The following LRP1B variants were observed in gnomAD, a reference collection of about 807,000 sequenced individuals.
LRP1B encodes the protein LDL receptor related protein 1B.
Under a neutral mutation model 556.6 loss-of-function variants are expected in LRP1B, and 217 were observed. The ratio of observed to expected loss-of-function variants is 0.39; its 90% CI spans 0.35 to 0.44. The LOEUF is 0.44. Ranked by LOEUF, LRP1B falls within the 20% of genes least tolerant of loss-of-function variation. LRP1B has a pLI of 1.00. For missense variants in LRP1B, 5,053 were observed against 5,620.8 expected, an observed-to-expected ratio of 0.90 and a Z score of 3.23; for synonymous variants, 2,047 against 1,865.8, an observed-to-expected ratio of 1.10 and a Z score of -2.50.
At chr2:140,239,185 CT>C (rs1404069221) in intron 88 of LRP1B, among the ~76,000 whole-genome samples, 1 of 150,778 alleles carries the variant, frequency 6.6e-6, no homozygotes, top group Non-Finnish European at 1.5e-5. Context: ...TAAAATCCTA[CT>C]TAACTTTTGA....
chr2:140,682,088 T>C (rs1334016622), intron 41 of LRP1B, among the ~76,000 whole-genome samples: 1 of 152,236 alleles, frequency 6.6e-6, no homozygotes, highest in Non-Finnish European at 1.5e-5. Flanking sequence ...AAAATATTAA[T>C]AACCTTAAAA....
At chr2:141,671,321 T>C (rs970392484) in intron 2 of LRP1B, among the ~76,000 whole-genome samples, 7 of 152,102 alleles carry the variant, frequency 4.6e-5, no homozygotes, top group Non-Finnish European at 8.8e-5. Context: ...AGATGGGAGT[T>C]CATGTGCGAA....
intron 7 of LRP1B, among the ~76,000 whole-genome samples, chr2:141,153,343 T>TATTAGCTATATATATTTATATAATAA (rs1558896448): frequency 1.3e-5 from 1 of 77,084 alleles, no homozygotes; most frequent in East Asian, 9.8e-4. Flanking sequence ...TAATAATATA[T>TATTAGCTATATATATTTATATAATAA]TATATATTAG....
At chr2:141,315,833 C>G (rs1411759195) in intron 3 of LRP1B, among the ~76,000 whole-genome samples, 1 of 132,404 alleles carries the variant, frequency 7.6e-6, no homozygotes, top group Non-Finnish European at 1.6e-5. Flanking sequence ...CTGCAAAACT[C>G]AGAAAATACC....
intron 1 of LRP1B, among the ~76,000 whole-genome samples, chr2:141,822,590 C>T (rs1239341867): frequency 1.3e-5 from 2 of 152,130 alleles, no homozygotes; most frequent in Non-Finnish European, 2.9e-5. Flanking sequence ...GACTTTGGCT[C>T]TTTCAGGGAT....
chr2:141,792,121 A>G (rs1214683001), intron 2 of LRP1B, among the ~76,000 whole-genome samples: 2 of 151,896 alleles, frequency 1.3e-5, no homozygotes, highest in African/African-American at 2.4e-5. Flanking sequence ...CATTTTCATC[A>G]CTAGTATTCA....
At chr2:140,899,095 G>T in intron 23 of LRP1B, 1 of 233,430 alleles carries the variant, frequency 4.3e-6, no homozygotes, top group Non-Finnish European at 8.7e-6. Context: ...GAGGTTCATG[G>T]CCACCAAGAA....
intron 2 of LRP1B, among the ~76,000 whole-genome samples, chr2:141,807,695 A>T (rs1313509676): frequency 6.6e-6 from 1 of 152,142 alleles, no homozygotes; most frequent in African/African-American, 2.4e-5. Context: ...CATCTGCTAA[A>T]AGCCCCTAAA....
intron 2 of LRP1B, among the ~76,000 whole-genome samples, chr2:141,667,868 G>A (rs1320152508): frequency 2.6e-5 from 4 of 152,220 alleles, no homozygotes; most frequent in African/African-American, 9.6e-5. Flanking sequence ...AGAAAGAATG[G>A]ATGGATGAAT....
intron 84 of LRP1B, among the ~76,000 whole-genome samples, chr2:140,279,632 C>G (rs563817197): frequency 6.6e-6 from 1 of 151,864 alleles, no homozygotes; most frequent in Non-Finnish European, 1.5e-5. Flanking sequence ...AAAATGAATA[C>G]TTCATTGGTA....
chr2:141,417,637 T>C (rs1340170689), intron 3 of LRP1B, among the ~76,000 whole-genome samples: 4 of 152,214 alleles, frequency 2.6e-5, no homozygotes, highest in African/African-American at 9.6e-5. Context: ...ACATTTAAGT[T>C]ATTTCCACCT....
At chr2:141,683,194 C>T (rs945522218) in intron 2 of LRP1B, among the ~76,000 whole-genome samples, 1 of 152,088 alleles carries the variant, frequency 6.6e-6, no homozygotes, top group East Asian at 1.9e-4. Flanking sequence ...CCTGTAGAAG[C>T]TGCTTTAGAA....
intron 43 of LRP1B, among the ~76,000 whole-genome samples, chr2:140,548,494 G>A (rs62171874): frequency 0.34 from 51,871 of 151,770 alleles, 9,782 homozygotes; most frequent in South Asian, 0.45. Flanking sequence ...GCCACACATC[G>A]CCTCCTTAGG....
intron 3 of LRP1B, among the ~76,000 whole-genome samples, chr2:141,426,271 T>C (rs1017509260): frequency 6.6e-6 from 1 of 151,964 alleles, no homozygotes; most frequent in African/African-American, 2.4e-5. Context: ...TTCTGTTCCA[T>C]TGATCTATAT....
chr2:142,039,657 G>C (rs1389303490), intron 1 of LRP1B, among the ~76,000 whole-genome samples: 1 of 151,382 alleles, frequency 6.6e-6, no homozygotes, highest in African/African-American at 2.4e-5. Context: ...GTTGGATGTG[G>C]GGATGACTAG....
intron 2 of LRP1B, among the ~76,000 whole-genome samples, chr2:141,694,374 C>T (rs571650523): frequency 6.6e-6 from 1 of 152,126 alleles, no homozygotes; most frequent in Admixed American, 6.5e-5. Flanking sequence ...TGTGAGTGAG[C>T]CTGCCCTAGT....
At chr2:140,324,440 T>C (rs143416748) in intron 80 of LRP1B, among the ~76,000 whole-genome samples, 2,547 of 152,190 alleles carry the variant, frequency 0.017, 77 homozygotes, top group African/African-American at 0.059. Flanking sequence ...GTTTGTGTTC[T>C]GGATCAAATA....
At chr2:140,264,562 C>G (rs1325565936) in intron 86 of LRP1B, among the ~76,000 whole-genome samples, 1 of 152,042 alleles carries the variant, frequency 6.6e-6, no homozygotes, top group Non-Finnish European at 1.5e-5. Flanking sequence ...CCATTTGAAA[C>G]TCAATCACCT....
intron 60 of LRP1B, among the ~76,000 whole-genome samples, chr2:140,464,902 A>T (rs966736567): frequency 1.3e-5 from 2 of 152,192 alleles, no homozygotes; most frequent in East Asian, 3.8e-4. Context: ...TATTCCTGCA[A>T]TTATAAATAT....
Sources: gnomAD v4.1 joint callset for allele counts (sites outside exome capture counted in the v4.1 genomes callset) on GRCh38, gnomAD v4.1.1 for gene constraint, MANE v1.5 for transcripts, NCBI Gene and HGNC (gene_info 2026-07-23, HGNC 2026-07-21) for gene names.